The following HDGFL2 variants were observed in gnomAD, a reference collection of about 807,000 sequenced individuals.
The protein encoded by HDGFL2 is hepatoma-derived growth factor-related protein 2.
In HDGFL2, 36 loss-of-function variants were observed where a neutral mutation model predicts 77.1. The ratio of observed to expected loss-of-function variants is 0.47; its 90% CI spans 0.36 to 0.62. The LOEUF is 0.62. Among genes scored for constraint, HDGFL2 ranks in the 20% least tolerant of loss-of-function variants. HDGFL2 has a pLI of 0.00. For missense variants in HDGFL2, 976 were observed against 973.4 expected (o/e 1.00, Z -0.04); for synonymous variants, 463 against 413.1 (o/e 1.12, Z -1.46).
At chr19:4,489,632 G>C (rs182316239) in intron 4 of HDGFL2, among the ~76,000 whole-genome samples, 279 of 152,092 alleles carry the variant, frequency 1.8e-3, no homozygotes, top group African/African-American at 6.3e-3. Flanking sequence ...TTGATCTCCT[G>C]ACCTCATGAT....
rs762385942 is a variant in HDGFL2, at chr19:4,497,991, C to T, written c.1362C>T (p.Ser454=). Residue 454 remains serine, a synonymous_variant, in exon 11 of 16, where the codon TCC becomes TCT. Transcript: ENST00000616600. ...AGGTGGAGCGGACCCGGAAGCGGTC[C>T]GAGGGCTTCTCGATGGACAGGAAGG... ...PVKVERTRKR[S]EGFSMDRKVE... is the part of the protein sequence containing the mutation. The T allele has an allele frequency of 8.1e-5, 126 of 1,556,244 alleles. No individual in the cohort carries two copies. In the South Asian group the frequency reaches 1.2e-3, roughly 15 times the overall value.
intron 1 of HDGFL2, among the ~76,000 whole-genome samples, chr19:4,474,131 C>T (rs1416899371): frequency 6.6e-6 from 1 of 151,962 alleles, no homozygotes; most frequent in Non-Finnish European, 1.5e-5. Context: ...AGGGCTGAGT[C>T]TCCCAGGGCT....
At position 4,501,919 on chromosome 19, in the gene HDGFL2, G is replaced by C. The variant is rs1287030010; in HGVS notation, c.1925G>C (p.Arg642Pro). ...GSSEDLHDSV[R>P]EGPDLDRPGS... ...TTTGCTGTTCCCACCAGCAGCGTAC[G>C]GGAGGGTCCCGACCTGGACAGGCCT... Residue 642 changes from arginine to proline, a missense_variant, in exon 16 of 16, where the codon CGG (arginine) becomes CCG (proline). Physicochemically the swap from Arg to Pro is moderately radical, Grantham distance 103. Coordinates refer to ENST00000616600, the MANE Select transcript of HDGFL2 (RefSeq NM_001001520.3). 2 of 1,469,942 alleles carry C rather than the reference G, an allele frequency of 1.4e-6. No individual in the cohort carries two copies. Among genetic ancestry groups the C allele is most frequent in the Non-Finnish European group, 9.0e-7 (1 of 1,115,692 alleles). 91.1% of individuals were successfully genotyped at this position (1,469,942 alleles called of 1,614,324 possible). A position where few individuals can be genotyped will look rare whatever the true frequency, so the allele number is the denominator to read the frequency against.
chr19:4,500,694 C>A (rs1975845324), intron 14 of HDGFL2, among the ~76,000 whole-genome samples: 1 of 152,038 alleles, frequency 6.6e-6, no homozygotes, highest in African/African-American at 2.4e-5. Context: ...ATCTCTGGAC[C>A]TCATGATCCG....
chr19:4,492,593 ATGTGTGTTGTC>A (rs1487031045), intron 6 of HDGFL2, among the ~76,000 whole-genome samples: 2 of 135,874 alleles, frequency 1.5e-5, no homozygotes, highest in South Asian at 2.4e-4. Context: ...GGTTTGTGGT[ATGTGTGTTGTC>A]TGTGTGTTAT....
chr19:4,486,273 C>T (rs1975361440), intron 3 of HDGFL2: 1 of 152,026 alleles, frequency 6.6e-6, no homozygotes, highest in Non-Finnish European at 1.5e-5. Flanking sequence ...CCCCGGTAGA[C>T]CATGAGCTCC....
chr19:4,484,275 C>T (rs1975300543), intron 3 of HDGFL2, among the ~76,000 whole-genome samples: 1 of 150,224 alleles, frequency 6.7e-6, no homozygotes, highest in Non-Finnish European at 1.5e-5. Flanking sequence ...GTAGAGACAG[C>T]ATTTGGCCAT....
chr19:4,502,001 G>A lies in HDGFL2; in HGVS notation c.2007G>A (p.Glu669=). 6.6e-7 allele frequency: 1 copy of A among 1,517,432 alleles called. No individual in the cohort carries two copies. Among genetic ancestry groups the A allele is most frequent in the Non-Finnish European group, 8.8e-7 (1 of 1,139,968 alleles). 94.0% of individuals were successfully genotyped at this position (1,517,432 alleles called of 1,614,324 possible). The change falls in exon 16 of 16, where the codon GAG becomes GAA. Residue 669 remains glutamate (E), a synonymous_variant. Coordinates refer to ENST00000616600, the MANE Select transcript of HDGFL2 (RefSeq NM_001001520.3). ...RARGDSEALD[E]ES ...GGGGGGACTCGGAGGCCCTGGACGA[G>A]GAGAGCTGAGCCGCGGGCAGCCAGG...
chr19:4,498,392 C>G lies in HDGFL2; in HGVS notation c.1473+16C>G, dbSNP rs1389899304. On this transcript the variant is annotated intron_variant, in intron 12 of 15. Transcript: ENST00000616600. Reference sequence around the variant, plus strand: ...CGACAGCCCGGTAAGACCCTCAGGGCCTGTGAGCCAAGCAGTCCCCGCTGC... The same window carrying G: ...CGACAGCCCGGTAAGACCCTCAGGGGCTGTGAGCCAAGCAGTCCCCGCTGC... The G allele has an allele frequency of 1.2e-6, 2 of 1,603,036 alleles. No homozygotes were observed. Among genetic ancestry groups the G allele is most frequent in the African/African-American group, 2.7e-5 (2 of 74,850 alleles).
chr19:4,483,740 G>A (rs1047957950), intron 3 of HDGFL2, among the ~76,000 whole-genome samples: 1 of 150,286 alleles, frequency 6.7e-6, no homozygotes. Flanking sequence ...CCTGTCACAC[G>A]CCATTTTGGT....
intron 15 of HDGFL2, 49 bp from the exon 16 acceptor site, chr19:4,501,862 G>C (rs1007084919): frequency 9.6e-6 from 13 of 1,348,500 alleles, no homozygotes; most frequent in Non-Finnish European, 1.1e-5. Context: ...CCTACAGGCA[G>C]GGCAGGGGCG....
chr19:4,496,150 C>A, intron 9 of HDGFL2, 152 bp from the exon 10 acceptor site: 1 of 659,668 alleles, frequency 1.5e-6, no homozygotes, highest in Non-Finnish European at 2.7e-6. Flanking sequence ...GACACTGGGT[C>A]CTCCCTCCTC....
intron 3 of HDGFL2, among the ~76,000 whole-genome samples, chr19:4,478,444 C>T (rs1037972597): frequency 3.3e-5 from 5 of 151,944 alleles, no homozygotes; most frequent in Admixed American, 6.6e-5. Flanking sequence ...TCAGGTAATC[C>T]GCCCACCTTG....
At chr19:4,493,648 C>T (rs1599718481) in intron 6 of HDGFL2, 55 bp from the exon 7 acceptor site, 5 of 1,392,524 alleles carry the variant, frequency 3.6e-6, no homozygotes, top group East Asian at 5.7e-5. Flanking sequence ...CCTGGTGCGC[C>T]CCGCTTCTCA....
chr19:4,475,608 G>T (rs1283610094), intron 3 of HDGFL2, 25 bp downstream of exon 3: 5 of 1,553,868 alleles, frequency 3.2e-6, no homozygotes, highest in Non-Finnish European at 4.3e-6. Flanking sequence ...TGGAGAGCCA[G>T]TGTGAAGCGC....
In HDGFL2 at chr19:4,491,822, G is replaced by T. The variant is rs1599715550; in HGVS notation, c.665G>T (p.Gly222Val). Residue 222 changes from glycine to valine, a missense_variant, in exon 6 of 16, where the codon GGA becomes GTA. Physicochemically the swap from Gly to Val is moderately radical, Grantham distance 109. Around this residue, in one of 5 missense-constraint regions of HDGFL2, gnomAD observed 567 missense variants for 534.7 expected, o/e 1.06. Transcript: ENST00000616600. Reference sequence around the variant, plus strand: ...GCGCCACGGAGGGGCCCTCTGGGGGGACGGAAAAAAAAGGTAGCGTGCACT... The same window carrying T: ...GCGCCACGGAGGGGCCCTCTGGGGGTACGGAAAAAAAAGGTAGCGTGCACT... ...VRAPRRGPLG[G>V]RKKKKAPSAS... 1.9e-6 allele frequency: 3 copies of T among 1,613,662 alleles called. No homozygotes were observed. The highest frequency in any genetic ancestry group is 2.5e-6 in the Non-Finnish European group (3 of 1,179,894).
At chr19:4,501,542 T>A (rs1236112588) in intron 15 of HDGFL2, 2 of 513,416 alleles carry the variant, frequency 3.9e-6, no homozygotes, top group Non-Finnish European at 6.6e-6. Flanking sequence ...TGCCTGCCCC[T>A]GGCCTCCTGG....
At chr19:4,501,859 G>A (rs1975901574) in intron 15 of HDGFL2, 52 bp from the exon 16 acceptor site, 4 of 1,333,936 alleles carry the variant, frequency 3.0e-6, no homozygotes, top group Non-Finnish European at 3.9e-6. Context: ...CGCCCTACAG[G>A]CAGGGCAGGG....
At chr19:4,485,176 C>T in intron 3 of HDGFL2, among the ~76,000 whole-genome samples, 1 of 152,166 alleles carries the variant, frequency 6.6e-6, no homozygotes, top group South Asian at 2.1e-4. Flanking sequence ...CTTCTCCCCT[C>T]AAGCCTCAGG....
Sources: allele counts gnomAD v4.1 joint callset (sites outside exome capture counted in the v4.1 genomes callset), GRCh38; gene constraint gnomAD v4.1.1; regional missense constraint gnomAD v4.1.1; transcripts MANE v1.5; gene names NCBI Gene and HGNC (gene_info 2026-07-23, HGNC 2026-07-21).